Variants in LEPR observed in about 807,000 individuals in gnomAD.
LEPR encodes the protein leptin receptor.
In LEPR, 56 loss-of-function variants were observed where a neutral mutation model predicts 114.7. The ratio of observed to expected loss-of-function variants is 0.49; its 90% CI spans 0.39 to 0.61. LEPR has a LOEUF of 0.61. Among genes scored for constraint, LEPR ranks in the 20% least tolerant of loss-of-function variants. LEPR has a pLI of 0.00. For synonymous variants in LEPR, 443 were observed against 461.4 expected (o/e 0.96, Z 0.51); for missense variants, 1,202 against 1,352.9 (o/e 0.89, Z 1.75).
intron 2 of LEPR, among the ~76,000 whole-genome samples, chr1:65,472,282 A>G (rs1291277594): frequency 6.6e-6 from 1 of 152,000 alleles, no homozygotes; most frequent in Non-Finnish European, 1.5e-5. Flanking sequence ...AGATGGTGTA[A>G]TTCATAAACA....
chr1:65,428,948 T>C (rs879882687), intron 2 of LEPR, among the ~76,000 whole-genome samples: 1 of 152,142 alleles, frequency 6.6e-6, no homozygotes, highest in Non-Finnish European at 1.5e-5. Flanking sequence ...CATCTAAGCT[T>C]TTCACTAGTG....
intron 2 of LEPR, among the ~76,000 whole-genome samples, chr1:65,521,679 A>C (rs1158525056): frequency 6.6e-6 from 1 of 152,222 alleles, no homozygotes; most frequent in Non-Finnish European, 1.5e-5. Flanking sequence ...CTCATTGAAC[A>C]CAATAGTTCT....
At chr1:65,430,800 G>A (rs931290990) in intron 2 of LEPR, among the ~76,000 whole-genome samples, 5 of 151,760 alleles carry the variant, frequency 3.3e-5, no homozygotes, top group African/African-American at 1.2e-4. Flanking sequence ...TGCTGGGTAA[G>A]TATACTATAA....
chr1:65,587,738 A>AT (rs879471060), intron 5 of LEPR, among the ~76,000 whole-genome samples: 3 of 151,970 alleles, frequency 2.0e-5, no homozygotes, highest in Middle Eastern at 3.4e-3. Flanking sequence ...TTCAGGGTTG[A>AT]TTTTTTTTAG....
At chr1:65,494,143 C>T (rs541931028) in intron 2 of LEPR, 16 of 152,116 alleles carry the variant, frequency 1.1e-4, no homozygotes, top group African/African-American at 2.7e-4. Flanking sequence ...TCTGTACTGG[C>T]GTATTATTTT....
At position 65,636,225 on chromosome 1, in the gene LEPR, C is replaced by G. The variant is rs763667071; in HGVS notation, c.2708C>G (p.Thr903Arg). The change falls in exon 20 of 20, where the codon ACA becomes AGA. Residue 903 changes from threonine (T) to arginine (R), a missense_variant. Transcript: ENST00000349533. Reference sequence around the variant, plus strand: ...TTTGAGCATCTTTTTATCAAGCATACAGCATCAGTGACATGTGGTCCTCTT... The same window carrying G: ...TTTGAGCATCTTTTTATCAAGCATAGAGCATCAGTGACATGTGGTCCTCTT... Reference protein sequence around the residue: ...ETFEHLFIKHTASVTCGPLLL... With the variant: ...ETFEHLFIKHRASVTCGPLLL... 6.2e-7 allele frequency: 1 copy of G among 1,613,744 alleles called. No individual in the cohort carries two copies. Among genetic ancestry groups the G allele is most frequent in the African/African-American group, 1.3e-5 (1 of 74,884 alleles).
intron 2 of LEPR, among the ~76,000 whole-genome samples, chr1:65,517,574 C>G (rs1475398): frequency 0.73 from 111,514 of 152,102 alleles, 42,248 homozygotes; most frequent in Middle Eastern, 0.9. Flanking sequence ...ATTGCGGATA[C>G]TCAGTAACAT....
chr1:65,480,889 GA>G (rs1220051534), intron 2 of LEPR, among the ~76,000 whole-genome samples: 4 of 151,860 alleles, frequency 2.6e-5, no homozygotes, highest in African/African-American at 9.7e-5. Flanking sequence ...AAGAGAGAAA[GA>G]AAAAAATGTT....
intron 5 of LEPR, 82 bp from the exon 6 acceptor site, chr1:65,592,575 T>C: frequency 1.4e-6 from 2 of 1,466,790 alleles, no homozygotes; most frequent in South Asian, 2.3e-5. Context: ...TTTACTTCAA[T>C]TAGTATTTAG....
chr1:65,641,056 G>A lies in LEPR; in HGVS notation c.*4041G>A, dbSNP rs909993801. ...CTCCCAAAGTTCTGGGATTACAGGT[G>A]TGAGAGCTGCCGCGCCTAGCCCTTC... On this transcript the variant is annotated 3_prime_UTR_variant, in exon 20 of 20. Coordinates refer to ENST00000349533, the MANE Select transcript of LEPR (RefSeq NM_002303.6). 2 of 152,184 alleles carry A rather than the reference G, an allele frequency of 1.3e-5. No individual in the cohort carries two copies. The highest frequency in any genetic ancestry group is 4.8e-5 in the African/African-American group (2 of 41,452). The allele number at this position is 152,184 out of a possible 1,614,324, so 9.4% of individuals were successfully genotyped here. A position where few individuals can be genotyped will look rare whatever the true frequency, so the allele number is the denominator to read the frequency against.
At chr1:65,544,426 C>G (rs371549762) in intron 2 of LEPR, among the ~76,000 whole-genome samples, 2 of 151,896 alleles carry the variant, frequency 1.3e-5, no homozygotes, top group Non-Finnish European at 2.9e-5. Flanking sequence ...ATTTGAATAC[C>G]CTTAATTTCT....
chr1:65,628,796 A>G (rs773922143), intron 19 of LEPR, among the ~76,000 whole-genome samples: 42 of 152,134 alleles, frequency 2.8e-4, no homozygotes, highest in African/African-American at 9.4e-4. Flanking sequence ...TGTATATGAT[A>G]TTTCTCAATA....
intron 5 of LEPR, among the ~76,000 whole-genome samples, chr1:65,583,233 A>G (rs545627825): frequency 1.3e-5 from 2 of 152,176 alleles, no homozygotes; most frequent in Admixed American, 6.5e-5. Context: ...CAGAGAGGGT[A>G]AGGGGCTCAA....
intron 16 of LEPR, among the ~76,000 whole-genome samples, chr1:65,619,230 T>G (rs1296464700): frequency 6.6e-6 from 1 of 152,218 alleles, no homozygotes. Flanking sequence ...TCACCACTGA[T>G]GCGCAGGTAG....
chr1:65,466,571 C>T (rs577044550), intron 2 of LEPR, among the ~76,000 whole-genome samples: 1 of 152,220 alleles, frequency 6.6e-6, no homozygotes, highest in African/African-American at 2.4e-5. Context: ...GAATATTGGC[C>T]TGCCTTGCTA....
chr1:65,518,201 GT>G lies in LEPR; in HGVS notation c.-20-47344del, dbSNP rs1384293213. ...AGGTCCAATAGCTTTCTTTTGTCTT[GT>G]ACTCTATCCTTTAAATTTCAAAGTG... On this transcript the variant is annotated intron_variant, in intron 2 of 19. Transcript: ENST00000349533. 2.0e-5 allele frequency among the ~76,000 whole-genome samples: 3 copies of G among 152,216 alleles called. No homozygotes were observed. In the East Asian group the frequency reaches 5.8e-4, roughly 29 times the overall value.
chr1:65,535,468 T>C (rs1266926079), intron 2 of LEPR, among the ~76,000 whole-genome samples: 10 of 151,850 alleles, frequency 6.6e-5, no homozygotes, highest in Admixed American at 6.6e-4. Flanking sequence ...GGGTTCAAGC[T>C]ACCCTCCTGC....
At chr1:65,449,260 C>CTTTTT (rs201429452) in intron 2 of LEPR, among the ~76,000 whole-genome samples, 152 of 118,514 alleles carry the variant, frequency 1.3e-3, no homozygotes, top group African/African-American at 4.2e-3. Context: ...TTTTATTTAT[C>CTTTTT]TTTTTTTTTT....
intron 3 of LEPR, among the ~76,000 whole-genome samples, chr1:65,565,845 T>TCACACA (rs1009206304): frequency 7.3e-4 from 109 of 148,724 alleles, no homozygotes; most frequent in African/African-American, 2.4e-3. Flanking sequence ...TCTCTCTCTC[T>TCACACA]CACACACACA....
Sources: allele counts gnomAD v4.1 joint callset (sites outside exome capture counted in the v4.1 genomes callset), GRCh38; gene constraint gnomAD v4.1.1; transcripts MANE v1.5; gene names NCBI Gene and HGNC (gene_info 2026-07-23, HGNC 2026-07-21).